The following ATRNL1 variants were observed in gnomAD, a reference collection of about 807,000 sequenced individuals.
ATRNL1 encodes attractin-like protein 1.
ATRNL1 carries 95 observed loss-of-function variants against 182.7 expected under a neutral mutation model. The ratio of observed to expected loss-of-function variants is 0.52; its 90% CI spans 0.44 to 0.62. The LOEUF is 0.62. Ranked by LOEUF, ATRNL1 falls within the 20% of genes least tolerant of loss-of-function variation. The pLI is 0.00. For missense variants in ATRNL1, 1,471 were observed against 1,679.5 expected (o/e 0.88, Z 2.17); for synonymous variants, 576 against 568.3 (o/e 1.01, Z -0.19).
chr10:115,755,790 G>T (rs937893678), intron 27 of ATRNL1, among the ~76,000 whole-genome samples: 6 of 152,104 alleles, frequency 3.9e-5, no homozygotes, highest in South Asian at 2.1e-4. Context: ...CTGTGAATTT[G>T]TCTGGTCCTG....
At chr10:115,571,891 G>A (rs200177311) in intron 26 of ATRNL1, among the ~76,000 whole-genome samples, 1 of 151,530 alleles carries the variant, frequency 6.6e-6, no homozygotes, top group East Asian at 1.9e-4. Context: ...TTCTACTTTT[G>A]TGTCTTTAGG....
In ATRNL1 at chr10:115,235,393, A is replaced by G. The variant is rs145733172; in HGVS notation, c.1533-6178A>G. Among the ~76,000 whole-genome samples, 1,006 of 152,132 alleles carry G rather than the reference A, an allele frequency of 6.6e-3. 10 individuals carry two copies. The highest frequency in any genetic ancestry group is 0.023 in the African/African-American group (950 of 41,504). ...AACCCCATACCTGTCTATTCTCTCT[A>G]TCTCCATCTTCTGGCAACCACTAAT... On this transcript the variant is annotated intron_variant, in intron 9 of 28. Transcript: ENST00000355044.
At chr10:115,273,187 A>G (rs1851949325) in intron 13 of ATRNL1, among the ~76,000 whole-genome samples, 1 of 151,978 alleles carries the variant, frequency 6.6e-6, no homozygotes, top group Non-Finnish European at 1.5e-5. Flanking sequence ...ATGGAAGTCC[A>G]TTTTGCTGAG....
At chr10:115,269,054 T>G (rs1216155457) in intron 13 of ATRNL1, among the ~76,000 whole-genome samples, 2 of 152,200 alleles carry the variant, frequency 1.3e-5, no homozygotes, top group South Asian at 4.1e-4. Flanking sequence ...TTGATAAGAT[T>G]TTTTAACGTC....
chr10:115,522,086 C>T (rs1415581073), intron 25 of ATRNL1, among the ~76,000 whole-genome samples: 1 of 151,988 alleles, frequency 6.6e-6, no homozygotes, highest in Non-Finnish European at 1.5e-5. Flanking sequence ...CATAATTGGG[C>T]CAGTACTAGG....
intron 18 of ATRNL1, among the ~76,000 whole-genome samples, chr10:115,326,029 T>A (rs193013145): frequency 1.6e-4 from 24 of 152,210 alleles, no homozygotes; most frequent in African/African-American, 5.5e-4. Context: ...TTTACCTGAG[T>A]GAATTAATTA....
At chr10:115,544,850 C>A (rs1331172342) in intron 25 of ATRNL1, among the ~76,000 whole-genome samples, 4 of 152,028 alleles carry the variant, frequency 2.6e-5, no homozygotes, top group African/African-American at 9.7e-5. Flanking sequence ...CTAGTAGTCA[C>A]CAAAGGAAGA....
At chr10:115,748,446 T>G (rs1232206954) in intron 27 of ATRNL1, among the ~76,000 whole-genome samples, 3 of 151,776 alleles carry the variant, frequency 2.0e-5, no homozygotes, top group African/African-American at 7.2e-5. Flanking sequence ...ATGGAGATTT[T>G]TCTTTACATA....
chr10:115,160,265 C>CA, intron 6 of ATRNL1, 51 bp downstream of exon 6: 5 of 1,480,592 alleles, frequency 3.4e-6, no homozygotes, highest in Non-Finnish European at 3.7e-6. Flanking sequence ...GATTTTTATC[C>CA]AAAATGTCTT....
chr10:115,510,174 G>A (rs1554982296), intron 24 of ATRNL1, among the ~76,000 whole-genome samples: 1 of 152,036 alleles, frequency 6.6e-6, no homozygotes, highest in African/African-American at 2.4e-5. Flanking sequence ...TCTGGAGATG[G>A]AAACTTTTCC....
rs1484732700 is a variant in ATRNL1 at position 115,389,548 on chromosome 10, A to ATATATG, written c.3176-5106_3176-5105insGTATAT. On this transcript the variant is annotated intron_variant, in intron 19 of 28. Coordinates refer to ENST00000355044, the MANE Select transcript of ATRNL1 (RefSeq NM_207303.4). The stretch of plus-strand genomic sequence containing the variant: ...TATTCAAATGTGTATGTGTATATAT[A>ATATATG]TATATATATATATATATATATATAT... Among the ~76,000 whole-genome samples the ATATATG allele has an allele frequency of 6.6e-4, 20 of 30,198 alleles. 2 individuals carry two copies. Among genetic ancestry groups the ATATATG allele is most frequent in the African/African-American group, 2.1e-3 (19 of 9,226 alleles). The allele number at this position is 30,198 out of a possible 152,430, so 19.8% of individuals were successfully genotyped here.
chr10:115,222,235 A>T (rs1320520744), intron 9 of ATRNL1, among the ~76,000 whole-genome samples: 1 of 152,144 alleles, frequency 6.6e-6, no homozygotes, highest in Non-Finnish European at 1.5e-5. Context: ...TATGAAATGG[A>T]AGAGAGATCA....
At chr10:115,435,774 A>G (rs139252748) in intron 21 of ATRNL1, among the ~76,000 whole-genome samples, 75 of 152,322 alleles carry the variant, frequency 4.9e-4, no homozygotes, top group African/African-American at 1.6e-3. Context: ...ACACTTACAT[A>G]GTATAAAATT....
chr10:115,584,623 A>G (rs1227924127), intron 26 of ATRNL1, among the ~76,000 whole-genome samples: 9 of 148,996 alleles, frequency 6.0e-5, no homozygotes, highest in African/African-American at 2.2e-4. Context: ...TATTGCGTCT[A>G]TTTGATTCTT....
chr10:115,404,815 CTTT>C (rs11408585), intron 20 of ATRNL1, among the ~76,000 whole-genome samples: 7 of 136,618 alleles, frequency 5.1e-5, no homozygotes, highest in African/African-American at 1.4e-4. Flanking sequence ...AACCTCCCAG[CTTT>C]TTTTTTTTTT....
chr10:115,145,428 T>C (rs1554879091), intron 5 of ATRNL1, among the ~76,000 whole-genome samples: 1 of 152,138 alleles, frequency 6.6e-6, no homozygotes, highest in African/African-American at 2.4e-5. Context: ...TGACCGAAAC[T>C]GTAAGAGCCA....
chr10:115,583,763 C>T (rs1347646775), intron 26 of ATRNL1, among the ~76,000 whole-genome samples: 8 of 150,398 alleles, frequency 5.3e-5, no homozygotes, highest in African/African-American at 1.9e-4. Context: ...GTCTAATTGC[C>T]CTGGCCAGAA....
chr10:115,828,536 C>CA (rs1328321856), intron 27 of ATRNL1, among the ~76,000 whole-genome samples: 3 of 152,168 alleles, frequency 2.0e-5, no homozygotes, highest in Non-Finnish European at 4.4e-5. Flanking sequence ...AGCTACAGTA[C>CA]AATGTTTGCT....
intron 28 of ATRNL1, among the ~76,000 whole-genome samples, chr10:115,870,974 C>T (rs1035119150): frequency 2.6e-5 from 4 of 152,042 alleles, no homozygotes; most frequent in African/African-American, 9.7e-5. Context: ...ATTATTATTT[C>T]GAGTTGCTAA....
Sources: gnomAD v4.1 joint callset for allele counts (sites outside exome capture counted in the v4.1 genomes callset) on GRCh38, gnomAD v4.1.1 for gene constraint, MANE v1.5 for transcripts, NCBI Gene and HGNC (gene_info 2026-07-23, HGNC 2026-07-21) for gene names.